The following MAML3 variants were observed in gnomAD, a reference collection of about 807,000 sequenced individuals.
The protein encoded by MAML3 is mastermind like transcriptional coactivator 3.
Under a neutral mutation model 101.9 loss-of-function variants are expected in MAML3, and 27 were observed. That is an observed-to-expected ratio of 0.27 (90% CI 0.20 to 0.37). MAML3 has a LOEUF of 0.37. Among genes scored for constraint, MAML3 ranks in the 10% least tolerant of loss-of-function variants. The probability of loss-of-function intolerance (pLI) is 1.00; values close to 1 mark genes in which losing one functional copy is unlikely to be tolerated. For missense variants in MAML3, 1,316 were observed against 1,444.9 expected (o/e 0.91, Z 1.45); for synonymous variants, 501 against 555.9 (o/e 0.90, Z 1.39).
At chr4:140,028,565 C>G (rs1726862190) in intron 1 of MAML3, among the ~76,000 whole-genome samples, 1 of 152,116 alleles carries the variant, frequency 6.6e-6, no homozygotes, top group Non-Finnish European at 1.5e-5. Flanking sequence ...CATCTAAGAT[C>G]TTGCCTATTT....
At position 139,864,923 on chromosome 4, in the gene MAML3, C is replaced by CTTGTTTTTTTTTTTTTTTTTTTTT. The variant is rs56928318; in HGVS notation, c.2079+24433_2079+24434insAAAAAAAAAAAAAAAAAAAAACAA. On this transcript the variant is annotated intron_variant, in intron 2 of 4. Transcript: ENST00000509479. The stretch of plus-strand genomic sequence containing the variant: ...TTAGGAAAATAGTAATGCAAACTTG[C>CTTGTTTTTTTTTTTTTTTTTTTTT]TTTTTTTTTTTTTTTTTTTTTTTTT... 1.3e-4 allele frequency among the ~76,000 whole-genome samples: 8 copies of CTTGTTTTTTTTTTTTTTTTTTTTT among 62,456 alleles called. 4 individuals carry two copies. The highest frequency in any genetic ancestry group is 2.3e-4 in the African/African-American group (4 of 17,052). The allele number at this position is 62,456 out of a possible 152,430, so 41.0% of individuals were successfully genotyped here. A position where few individuals can be genotyped will look rare whatever the true frequency, so the allele number is the denominator to read the frequency against.
intron 2 of MAML3, among the ~76,000 whole-genome samples, chr4:139,868,798 A>G (rs1005043370): frequency 6.6e-6 from 1 of 152,242 alleles, no homozygotes; most frequent in Non-Finnish European, 1.5e-5. Flanking sequence ...ATGAACTGGT[A>G]AAATTTCTCT....
intron 1 of MAML3, among the ~76,000 whole-genome samples, chr4:140,050,254 A>C (rs1163392992): frequency 6.6e-6 from 1 of 152,230 alleles, no homozygotes; most frequent in Non-Finnish European, 1.5e-5. Context: ...ATCCATCCCA[A>C]CCCACCCCAC....
intron 1 of MAML3, among the ~76,000 whole-genome samples, chr4:140,007,969 G>A (rs943107301): frequency 7.9e-5 from 12 of 152,196 alleles, no homozygotes; most frequent in Non-Finnish European, 1.2e-4. Flanking sequence ...GTTGGGCAGC[G>A]TTGTCAATTT....
At chr4:140,040,229 C>T (rs969863240) in intron 1 of MAML3, among the ~76,000 whole-genome samples, 3 of 152,166 alleles carry the variant, frequency 2.0e-5, no homozygotes, top group African/African-American at 7.2e-5. Context: ...CATTTCTATT[C>T]CATTGTAGTG....
At chr4:139,932,384 G>C (rs755651272) in intron 1 of MAML3, among the ~76,000 whole-genome samples, 4 of 152,150 alleles carry the variant, frequency 2.6e-5, no homozygotes, top group African/African-American at 9.7e-5. Context: ...AGATTATGCA[G>C]TACCTCAAAC....
At chr4:139,870,545 G>C (rs960289948) in intron 2 of MAML3, among the ~76,000 whole-genome samples, 5 of 152,142 alleles carry the variant, frequency 3.3e-5, no homozygotes, top group African/African-American at 1.2e-4. Flanking sequence ...TGAAAGCCTA[G>C]CAATAAATCC....
rs1049923674 is a variant in MAML3, at chr4:139,950,949, C to T, written c.469-59982G>A. On this transcript the variant is annotated intron_variant, in intron 1 of 4. Transcript: ENST00000509479. The stretch of plus-strand genomic sequence containing the variant: ...GTCACCTTTTCTTTCCTCCCAAGAT[C>T]GTGAAGAACAACCTCATTGCCCTAA... 4.6e-5 allele frequency among the ~76,000 whole-genome samples: 7 copies of T among 152,178 alleles called. No homozygotes were observed. In the East Asian group the frequency reaches 5.8e-4, roughly 13 times the overall value.
intron 1 of MAML3, among the ~76,000 whole-genome samples, chr4:139,989,348 G>C (rs1734615011): frequency 6.6e-6 from 1 of 152,152 alleles, no homozygotes; most frequent in African/African-American, 2.4e-5. Flanking sequence ...TGCCCAGAGA[G>C]GCGGCCAGGA....
At chr4:139,825,813 G>A (rs6852214) in intron 2 of MAML3, among the ~76,000 whole-genome samples, 4,229 of 152,008 alleles carry the variant, frequency 0.028, 192 homozygotes, top group African/African-American at 0.094. Context: ...AAATGCTGCC[G>A]AGCTCTTCAA....
chr4:139,970,105 G>A (rs1734208590), intron 1 of MAML3, among the ~76,000 whole-genome samples: 1 of 152,122 alleles, frequency 6.6e-6, no homozygotes, highest in African/African-American at 2.4e-5. Context: ...GAAAAAGGTA[G>A]ACATAGAAAC....
In MAML3 at chr4:139,994,784, G is replaced by GTGTGT. The variant is rs1560860698; in HGVS notation, c.469-103818_469-103817insACACA. ...TTGGTGGTGGTGGTGGTGCTGGTGG[G>GTGTGT]GGGTGTGTGTGTGTGTGTGTGTGTA... On this transcript the variant is annotated intron_variant, in intron 1 of 4. Transcript: ENST00000509479. Among the ~76,000 whole-genome samples, 7 of 38,808 alleles carry GTGTGT rather than the reference G, an allele frequency of 1.8e-4. No homozygotes were observed. The Admixed American group carries it at 2.0e-3, about 11-fold the overall frequency. 25.5% of individuals were successfully genotyped at this position (38,808 alleles called of 152,430 possible).
rs760994364 is a variant in MAML3 at position 139,801,550 on chromosome 4, T to C, written c.2080-70883A>G. 3.3e-5 allele frequency among the ~76,000 whole-genome samples: 5 copies of C among 152,174 alleles called. No homozygotes were observed. In the Middle Eastern group the frequency reaches 0.014, roughly 414 times the overall value. On this transcript the variant is annotated intron_variant, in intron 2 of 4. Coordinates refer to ENST00000509479, the MANE Select transcript of MAML3 (RefSeq NM_018717.5). ...AAAAGGAAAGCCATAATGTATATCC[T>C]AGTGAAGATGGCAAAACTGAGAAAA...
Position 139,749,426 on chromosome 4 carries a change from G to A in MAML3, c.2080-18759C>T, listed in dbSNP as rs145491252. Among the ~76,000 whole-genome samples the A allele has an allele frequency of 3.9e-5, 6 of 152,268 alleles. No homozygotes were observed. In the East Asian group the frequency reaches 5.8e-4, roughly 15 times the overall value. On this transcript the variant is annotated intron_variant, in intron 2 of 4. Coordinates refer to ENST00000509479, the MANE Select transcript of MAML3 (RefSeq NM_018717.5). ...AATCTGCTTTCTTGCAGATCTAAGC[G>A]AAATCTGATTGTTTTCTCAGGCAAA...
At position 139,773,366 on chromosome 4, in the gene MAML3, C is replaced by T. The variant is rs111684364; in HGVS notation, c.2080-42699G>A. Among the ~76,000 whole-genome samples, 448 of 152,266 alleles carry T rather than the reference C, an allele frequency of 2.9e-3. 1 individual carries two copies. The highest frequency in any genetic ancestry group is 6.8e-3 in the Middle Eastern group (2 of 294). ...CATCAGATCAGAGACTTAAATCTCT[C>T]GCAATGCTTCAGGTTCTTCAACTGC... On this transcript the variant is annotated intron_variant, in intron 2 of 4. Transcript: ENST00000509479.
chr4:139,939,519 T>C (rs969056268), intron 1 of MAML3, among the ~76,000 whole-genome samples: 1 of 152,150 alleles, frequency 6.6e-6, no homozygotes, highest in African/African-American at 2.4e-5. Flanking sequence ...GCTCTCTCTA[T>C]TCTCCAAATC....
chr4:140,003,378 A>G (rs1726369470), intron 1 of MAML3, among the ~76,000 whole-genome samples: 1 of 152,168 alleles, frequency 6.6e-6, no homozygotes, highest in Non-Finnish European at 1.5e-5. Flanking sequence ...GAGAAACACA[A>G]GACACTCCTT....
At chr4:139,871,211 A>G (rs993983765) in intron 2 of MAML3, among the ~76,000 whole-genome samples, 1 of 152,154 alleles carries the variant, frequency 6.6e-6, no homozygotes, top group Non-Finnish European at 1.5e-5. Flanking sequence ...GTCTTTCTTT[A>G]CCTACCACCT....
At chr4:140,148,781 TC>T (rs1408013349) in intron 1 of MAML3, among the ~76,000 whole-genome samples, 4 of 152,228 alleles carry the variant, frequency 2.6e-5, no homozygotes, top group Admixed American at 2.6e-4. Flanking sequence ...GTTGTAGTTG[TC>T]TCCAATACTC....
Sources: allele counts gnomAD v4.1 joint callset (sites outside exome capture counted in the v4.1 genomes callset), GRCh38; gene constraint gnomAD v4.1.1; transcripts MANE v1.5; gene names NCBI Gene and HGNC (gene_info 2026-07-23, HGNC 2026-07-21).